Variants in DEAF1 observed in about 807,000 individuals in gnomAD.
DEAF1 encodes DEAF1 transcription factor, also known as deformed epidermal autoregulatory factor 1 homolog.
DEAF1 carries 53 observed loss-of-function variants against 58.9 expected under a neutral mutation model. The ratio of observed to expected loss-of-function variants is 0.90; its 90% CI spans 0.72 to 1.13. DEAF1 has a LOEUF of 1.13. Ranked by LOEUF, DEAF1 falls within the 50% of genes most tolerant of loss-of-function variation. The pLI, the probability that DEAF1 is intolerant of heterozygous loss-of-function variation, is 0.00. For missense variants in DEAF1, 685 were observed against 791.4 expected, an observed-to-expected ratio of 0.87 and a Z score of 1.61; for synonymous variants, 385 against 340.4, an observed-to-expected ratio of 1.13 and a Z score of -1.44.
At position 644,487 on chromosome 11, in the gene DEAF1, T is replaced by G; in HGVS notation, c.*63A>C. On this transcript the variant is annotated 3_prime_UTR_variant, in exon 12 of 12. Coordinates refer to ENST00000382409, the MANE Select transcript of DEAF1 (RefSeq NM_021008.4). The surrounding 1 kb of genome is among the most constrained non-coding windows in gnomAD (Gnocchi z 4.3). ...CCCCCCAGAGTCCTCAGGGGGGCCTTCGACCTGCAAAAGCCTCACAGGAGT... is the reference window on the plus strand; with the variant it reads ...CCCCCCAGAGTCCTCAGGGGGGCCTGCGACCTGCAAAAGCCTCACAGGAGT... 2.2e-6 allele frequency: 3 copies of G among 1,353,636 alleles called. No homozygotes were observed. Among genetic ancestry groups the G allele is most frequent in the Admixed American group, 1.8e-5 (1 of 55,462 alleles). 83.9% of individuals were successfully genotyped at this position (1,353,636 alleles called of 1,614,324 possible). A position where few individuals can be genotyped will look rare whatever the true frequency, so the allele number is the denominator to read the frequency against.
intron 1 of DEAF1, 198 bp downstream of exon 1, chr11:694,561 A>G (rs1861011730): frequency 4.5e-6 from 1 of 222,540 alleles, no homozygotes; most frequent in Non-Finnish European, 6.8e-6. Flanking sequence ...GCAGGTGTGC[A>G]GGGCGGGTGG....
chr11:655,819 CTTTA>C (rs977670564), intron 10 of DEAF1, among the ~76,000 whole-genome samples: 6 of 141,638 alleles, frequency 4.2e-5, no homozygotes, highest in African/African-American at 1.5e-4. Flanking sequence ...CCTGCCTCTA[CTTTA>C]TTTATTTATT....
upstream of DEAF1, among the ~76,000 whole-genome samples, chr11:696,199 A>G (rs978181256): frequency 1.6e-4 from 25 of 152,070 alleles, no homozygotes; most frequent in African/African-American, 6.0e-4. Flanking sequence ...ACTCTCGCCA[A>G]AGAAAATCGC....
intron 9 of DEAF1, among the ~76,000 whole-genome samples, chr11:677,863 T>C (rs1860145199): frequency 6.6e-6 from 1 of 151,682 alleles, no homozygotes; most frequent in Non-Finnish European, 1.5e-5. Flanking sequence ...CTCAGGAGGC[T>C]GAGGCAGGAG....
In DEAF1 at chr11:688,834, C is replaced by A. The variant is rs1247105034; in HGVS notation, c.388-374G>T. Among the ~76,000 whole-genome samples, 3 of 152,192 alleles carry A rather than the reference C, an allele frequency of 2.0e-5. No individual in the cohort carries two copies. In the East Asian group the frequency reaches 5.8e-4, roughly 29 times the overall value. ...TGGCCGCCACAGACAAGGCCTTGTG[C>A]AGGACCGCCCTCCAGACCTCCTTAC... is the stretch of plus-strand genomic sequence containing the variant. On this transcript the variant is annotated intron_variant, in intron 2 of 11. Coordinates refer to ENST00000382409, the MANE Select transcript of DEAF1 (RefSeq NM_021008.4). This position sits in a 1 kb window ranked among gnomAD's most constrained non-coding sequence, Gnocchi z 4.3.
chr11:657,970 T>G (rs911689409), intron 10 of DEAF1, among the ~76,000 whole-genome samples: 1 of 151,924 alleles, frequency 6.6e-6, no homozygotes, highest in Admixed American at 6.6e-5. Context: ...AAGTCCGGAG[T>G]TCACAGGGAC....
chr11:678,819 T>C lies in DEAF1; in HGVS notation c.1130A>G (p.Gln377Arg), dbSNP rs1280290706. 52 of 1,613,836 alleles carry C rather than the reference T, an allele frequency of 3.2e-5. No individual in the cohort carries two copies. Among genetic ancestry groups the C allele is most frequent in the Non-Finnish European group, 4.1e-5 (48 of 1,179,930 alleles). ...QGDVFAGATVQEASVQPPCRA... is the reference protein window; with the variant it reads ...QGDVFAGATVREASVQPPCRA... Reference sequence around the variant, plus strand: ...GCATGGGGGCTGCACGCTGGCCTCTTGGACTGTTGGGGAGAAAAAGGACAG... The same window carrying C: ...GCATGGGGGCTGCACGCTGGCCTCTCGGACTGTTGGGGAGAAAAAGGACAG... Residue 377 changes from glutamine to arginine, a missense_variant, in exon 9 of 12, where the codon CAA becomes CGA. Physicochemically the swap from Gln to Arg is conservative, Grantham distance 43. This residue lies in a region of DEAF1 where 343 missense variants were observed against 379.8 expected (regional missense o/e 0.90). Transcript: ENST00000382409.
At chr11:652,330 T>C (rs1168591796) in intron 11 of DEAF1, among the ~76,000 whole-genome samples, 1 of 152,136 alleles carries the variant, frequency 6.6e-6, no homozygotes, top group Non-Finnish European at 1.5e-5. Context: ...GCATAAAATA[T>C]TCGAACTGAA....
chr11:668,917 C>T (rs1859678179), intron 10 of DEAF1, among the ~76,000 whole-genome samples: 2 of 152,170 alleles, frequency 1.3e-5, no homozygotes, highest in South Asian at 4.1e-4. Flanking sequence ...GCTCTGCCTC[C>T]TGGATTCATG....
chr11:670,901 T>C (rs1859790748), intron 10 of DEAF1, among the ~76,000 whole-genome samples: 1 of 145,166 alleles, frequency 6.9e-6, no homozygotes, highest in Non-Finnish European at 1.5e-5. Flanking sequence ...TTTCAGCCTC[T>C]TGACTGGCAT....
chr11:707,034 C>T (rs1421017320), exon 1 of DEAF1, among the ~76,000 whole-genome samples: 1 of 151,934 alleles, frequency 6.6e-6, no homozygotes, highest in Non-Finnish European at 1.5e-5. Context: ...CGGGCATGCC[C>T]GGACCTCTGC....
chr11:683,825 G>A (rs1860473929), intron 6 of DEAF1, among the ~76,000 whole-genome samples: 1 of 151,930 alleles, frequency 6.6e-6, no homozygotes, highest in Admixed American at 6.6e-5. Context: ...TATCTTCCAC[G>A]TACAAACCCT....
At chr11:659,434 C>T (rs976215903) in intron 10 of DEAF1, among the ~76,000 whole-genome samples, 1 of 152,058 alleles carries the variant, frequency 6.6e-6, no homozygotes, top group African/African-American at 2.4e-5. Flanking sequence ...CCTAGACACA[C>T]CCCGGATGGA....
chr11:706,509 C>A (rs2133489311), intron 1 of DEAF1: 1 of 152,528 alleles, frequency 6.6e-6, no homozygotes, highest in South Asian at 2.1e-4. Flanking sequence ...CGGCCTGCCC[C>A]CGTCGGTCCT....
Position 688,216 on chromosome 11 carries a change from T to G in DEAF1, c.517+115A>C. 6.6e-7 allele frequency: 1 copy of G among 1,515,732 alleles called. No individual in the cohort carries two copies. Among genetic ancestry groups the G allele is most frequent in the Non-Finnish European group, 8.9e-7 (1 of 1,119,128 alleles). The allele number at this position is 1,515,732 out of a possible 1,614,324, so 93.9% of individuals were successfully genotyped here. A position where few individuals can be genotyped will look rare whatever the true frequency, so the allele number is the denominator to read the frequency against. On this transcript the variant is annotated intron_variant, in intron 3 of 11. Coordinates refer to ENST00000382409, the MANE Select transcript of DEAF1 (RefSeq NM_021008.4). This position sits in a 1 kb window ranked among gnomAD's most constrained non-coding sequence, Gnocchi z 4.3. ...AATGCTTTTACTTAAAATCTATTAA[T>G]AGATGATATTCCAAATTTACCACAA...
chr11:703,604 G>C lies in DEAF1; in HGVS notation c.-438+2968C>G, dbSNP rs751073769. 2.4e-6 allele frequency: 3 copies of C among 1,232,978 alleles called. No homozygotes were observed. In the East Asian group the frequency reaches 9.5e-5, roughly 39 times the overall value. The allele number at this position is 1,232,978 out of a possible 1,614,324, so 76.4% of individuals were successfully genotyped here. ...AGATCCCAGTTTACTCCGTGGCCAG[G>C]CCCCACCTGTGTTTCCAAGTCGGGC... On this transcript the variant is annotated intron_variant, in intron 1 of 11. Coordinates refer to the DEAF1 transcript ENST00000683307.
upstream of DEAF1, chr11:700,092 G>T (rs1373999190): frequency 1.3e-6 from 2 of 1,529,454 alleles, no homozygotes; most frequent in South Asian, 1.1e-5. Flanking sequence ...AGCCACCTGG[G>T]AGGCTGCTCC....
chr11:678,469 C>T, intron 9 of DEAF1: 1 of 567,180 alleles, frequency 1.8e-6, no homozygotes, highest in East Asian at 4.0e-5. Context: ...GCTGCTGTAC[C>T]AAAAGCAACT....
At chr11:678,869 C>G (rs770921662) in intron 8 of DEAF1, 47 bp from the exon 9 acceptor site, 2 of 1,610,228 alleles carry the variant, frequency 1.2e-6, no homozygotes, top group Non-Finnish European at 8.5e-7. Flanking sequence ...GTTGTCCGCA[C>G]AGCAGACTCT....
Sources: gnomAD v4.1 joint callset for allele counts (sites outside exome capture counted in the v4.1 genomes callset) on GRCh38, gnomAD v4.1.1 for gene constraint, gnomAD v4.1.1 regional missense constraint, Gnocchi (gnomAD v3.1) non-coding constraint, MANE v1.5 for transcripts, NCBI Gene and HGNC (gene_info 2026-07-23, HGNC 2026-07-21) for gene names.